Variants in ARID1B observed in about 807,000 individuals in gnomAD.
ARID1B encodes AT-rich interactive domain-containing protein 1B.
ARID1B carries 30 observed loss-of-function variants against 212.3 expected under a neutral mutation model. The observed-to-expected ratio is 0.14, with a 90% CI of 0.11 to 0.19. The LOEUF (loss-of-function observed/expected upper bound fraction) is 0.19. ARID1B is among the 10% of genes least tolerant of loss of function. The pLI is 1.00. For missense variants in ARID1B, 2,891 were observed against 3,204.0 expected, an observed-to-expected ratio of 0.90 and a Z score of 2.36; for synonymous variants, 1,402 against 1,301.7, an observed-to-expected ratio of 1.08 and a Z score of -1.66.
At chr6:156,807,236 T>C (rs979788506) in intron 1 of ARID1B, among the ~76,000 whole-genome samples, 1 of 151,208 alleles carries the variant, frequency 6.6e-6, no homozygotes, top group African/African-American at 2.4e-5. Context: ...TTCAGATCTA[T>C]GGAGTGGAAG....
chr6:156,999,475 G>T (rs564704463), intron 4 of ARID1B, among the ~76,000 whole-genome samples: 11 of 152,232 alleles, frequency 7.2e-5, no homozygotes, highest in Non-Finnish European at 1.5e-4. Flanking sequence ...TATTATTGTT[G>T]CAGTCAGCAA....
intron 4 of ARID1B, among the ~76,000 whole-genome samples, chr6:156,951,303 AAGAG>A (rs1213495269): frequency 3.3e-5 from 5 of 152,374 alleles, no homozygotes; most frequent in East Asian, 3.9e-4. Flanking sequence ...AAGTTTGAAA[AAGAG>A]AGAAGCAAAC....
At chr6:157,080,226 G>C (rs572880232) in intron 4 of ARID1B, among the ~76,000 whole-genome samples, 3 of 152,268 alleles carry the variant, frequency 2.0e-5, no homozygotes, top group Admixed American at 2.0e-4. Flanking sequence ...GAGAACCATA[G>C]CTTAGAGTAT....
Position 156,778,424 on chromosome 6 carries a change from T to C in ARID1B, c.744T>C (p.Ser248=). The change falls in exon 1 of 20, where the codon AGT becomes AGC. Residue 248 remains serine (S), a synonymous_variant. Coordinates refer to ENST00000636930, the MANE Select transcript of ARID1B (RefSeq NM_001374828.1). Reference sequence around the variant, plus strand: ...CGCAACATGGAGGCGCCAAGGACAGTGCTGCGGGCGGCCAGGCCGACCCCC... The same window carrying C: ...CGCAACATGGAGGCGCCAAGGACAGCGCTGCGGGCGGCCAGGCCGACCCCC... ...EQPQHGGAKD[S]AAGGQADPPG... is the part of the protein sequence containing the mutation. The C allele has an allele frequency of 6.7e-7, 1 of 1,493,216 alleles. No individual in the cohort carries two copies. Among genetic ancestry groups the C allele is most frequent in the Non-Finnish European group, 8.9e-7 (1 of 1,126,616 alleles). 92.5% of individuals were successfully genotyped at this position (1,493,216 alleles called of 1,614,324 possible).
At chr6:157,026,997 T>G (rs1361303982) in intron 4 of ARID1B, among the ~76,000 whole-genome samples, 1 of 152,178 alleles carries the variant, frequency 6.6e-6, no homozygotes, top group Non-Finnish European at 1.5e-5. Flanking sequence ...ATTATTGCCC[T>G]TAGCAGGTAA....
At chr6:156,931,190 C>CAAAAAAAAA (rs11309121) in intron 3 of ARID1B, among the ~76,000 whole-genome samples, 1 of 90,186 alleles carries the variant, frequency 1.1e-5, no homozygotes, top group Non-Finnish European at 2.3e-5. Context: ...GACTCAGTCT[C>CAAAAAAAAA]AAAAAAAAAA....
At chr6:157,128,432 C>T (rs11970692) in intron 6 of ARID1B, among the ~76,000 whole-genome samples, 7,696 of 152,200 alleles carry the variant, frequency 0.051, 682 homozygotes, top group African/African-American at 0.18. Flanking sequence ...ACCTGTAGTC[C>T]CAGCTAATTG....
chr6:157,042,659 CT>C (rs35567695), intron 4 of ARID1B, among the ~76,000 whole-genome samples: 36,691 of 135,922 alleles, frequency 0.27, 4,385 homozygotes, highest in Non-Finnish European at 0.3. Context: ...CCCTCCACTC[CT>C]TTTTTTTTTT....
At chr6:156,953,667 C>T (rs1323974528) in intron 4 of ARID1B, among the ~76,000 whole-genome samples, 13 of 152,174 alleles carry the variant, frequency 8.5e-5, no homozygotes, top group Admixed American at 8.5e-4. Flanking sequence ...TATAATTTAT[C>T]ATCAGCTGAC....
At chr6:157,078,850 AATGG>A (rs1257443533) in intron 4 of ARID1B, among the ~76,000 whole-genome samples, 13 of 152,326 alleles carry the variant, frequency 8.5e-5, no homozygotes, top group African/African-American at 3.1e-4. Flanking sequence ...AGTTACCCAT[AATGG>A]AATCTTTGCC....
intron 4 of ARID1B, among the ~76,000 whole-genome samples, chr6:157,012,787 T>A (rs1215640797): frequency 1.3e-5 from 2 of 152,238 alleles, no homozygotes; most frequent in Non-Finnish European, 2.9e-5. Flanking sequence ...TACTGCAGAT[T>A]AACAATGAAA....
intron 2 of ARID1B, among the ~76,000 whole-genome samples, chr6:156,890,390 G>C (rs1787831581): frequency 1.3e-5 from 2 of 152,152 alleles, no homozygotes; most frequent in African/African-American, 4.8e-5. Context: ...AAAAAGACTT[G>C]TTACTGATAA....
At chr6:156,884,834 C>T (rs74693316) in intron 2 of ARID1B, among the ~76,000 whole-genome samples, 2,237 of 152,262 alleles carry the variant, frequency 0.015, 54 homozygotes, top group African/African-American at 0.051. Flanking sequence ...TGTAGTAGCC[C>T]TGGTCAGAAA....
chr6:157,050,541 T>C (rs963917721), intron 4 of ARID1B, among the ~76,000 whole-genome samples: 1 of 152,074 alleles, frequency 6.6e-6, no homozygotes, highest in Non-Finnish European at 1.5e-5. Context: ...GAGAATCTTA[T>C]CTCAAAAATA....
intron 2 of ARID1B, among the ~76,000 whole-genome samples, chr6:156,896,854 G>C (rs576267614): frequency 6.6e-6 from 1 of 152,176 alleles, no homozygotes; most frequent in Non-Finnish European, 1.5e-5. Context: ...ACTCCAGCCT[G>C]ACGACAGAGC....
chr6:156,893,045 C>CTTTTTTTTTTTTTTTTTT lies in ARID1B; in HGVS notation c.1987-8316_1987-8315insTTTTTTTTTTTTTTTTTT, dbSNP rs567719662. Among the ~76,000 whole-genome samples the CTTTTTTTTTTTTTTTTTT allele has an allele frequency of 5.9e-4, 51 of 85,912 alleles. 2 individuals carry two copies. Among genetic ancestry groups the CTTTTTTTTTTTTTTTTTT allele is most frequent in the African/African-American group, 2.4e-3 (51 of 21,314 alleles). 56.4% of individuals were successfully genotyped at this position (85,912 alleles called of 152,430 possible). On this transcript the variant is annotated intron_variant, in intron 2 of 19. Transcript: ENST00000636930. ...AACTCTTTTTTTTTCTTTTTTCTTC[C>CTTTTTTTTTTTTTTTTTT]TTTTTTTTTTTTTTTGAGATGGAGT...
At chr6:156,924,472 A>G (rs780297410) in intron 3 of ARID1B, among the ~76,000 whole-genome samples, 22 of 152,336 alleles carry the variant, frequency 1.4e-4, no homozygotes, top group Middle Eastern at 6.8e-3. Flanking sequence ...CGTGATTTGA[A>G]CACAAGCACT....
intron 8 of ARID1B, among the ~76,000 whole-genome samples, chr6:157,157,691 C>A (rs1410735964): frequency 6.6e-6 from 1 of 152,168 alleles, no homozygotes; most frequent in Non-Finnish European, 1.5e-5. Context: ...GGTCTTCATT[C>A]TTATTTTGAA....
chr6:156,943,656 A>G (rs1010824604), intron 4 of ARID1B: 3 of 152,216 alleles, frequency 2.0e-5, no homozygotes, highest in African/African-American at 7.2e-5. Context: ...GCATCTGTGC[A>G]TATGGTACGT....
Sources: gnomAD v4.1 joint callset for allele counts (sites outside exome capture counted in the v4.1 genomes callset) on GRCh38, gnomAD v4.1.1 for gene constraint, MANE v1.5 for transcripts, NCBI Gene and HGNC (gene_info 2026-07-23, HGNC 2026-07-21) for gene names.